The following SUPT3H variants were observed in gnomAD, a reference collection of about 807,000 sequenced individuals.
SUPT3H encodes SPT3 homolog, SAGA and STAGA complex component.
SUPT3H carries 44 observed loss-of-function variants against 44.3 expected under a neutral mutation model. That is an observed-to-expected ratio of 0.99 (90% CI 0.78 to 1.28). SUPT3H has a LOEUF of 1.28. Ranked by LOEUF, SUPT3H falls within the 50% of genes most tolerant of loss-of-function variation. The pLI, the probability that SUPT3H is intolerant of heterozygous loss-of-function variation, is 0.00. For synonymous variants in SUPT3H, 124 were observed against 125.6 expected (o/e 0.99, Z 0.09); for missense variants, 380 against 387.1 (o/e 0.98, Z 0.15).
At chr6:45,298,722 T>C (rs988658613) in intron 2 of SUPT3H, among the ~76,000 whole-genome samples, 1 of 152,120 alleles carries the variant, frequency 6.6e-6, no homozygotes, top group Non-Finnish European at 1.5e-5. Flanking sequence ...AATTGTTACT[T>C]TTCTATTTAC....
intron 2 of SUPT3H, among the ~76,000 whole-genome samples, chr6:45,161,033 T>G (rs1808871981): frequency 6.6e-6 from 1 of 152,036 alleles, no homozygotes; most frequent in African/African-American, 2.4e-5. Flanking sequence ...TCTGGTTGTT[T>G]AAGTGTGTTC....
intron 2 of SUPT3H, among the ~76,000 whole-genome samples, chr6:45,298,921 G>C (rs1194099438): frequency 6.6e-6 from 1 of 152,012 alleles, no homozygotes; most frequent in African/African-American, 2.4e-5. Context: ...ACTCATCAAA[G>C]AATAAAACTA....
chr6:45,343,167 T>C lies in SUPT3H; in HGVS notation c.101+22034A>G, dbSNP rs553829684. ...CTTAAGTCTAAACTCATACTCATAG[T>C]GTGGCTCACAAAACAGCAGAATCAG... is the stretch of plus-strand genomic sequence containing the variant. On this transcript the variant is annotated intron_variant, in intron 2 of 10. Coordinates refer to ENST00000371459, the MANE Select transcript of SUPT3H (RefSeq NM_003599.4). Among the ~76,000 whole-genome samples, 30 of 152,328 alleles carry C rather than the reference T, an allele frequency of 2.0e-4. No homozygotes were observed. In the South Asian group the frequency reaches 6.0e-3, roughly 30 times the overall value.
At chr6:44,809,245 G>GTT, downstream of SUPT3H, 1 of 152,228 alleles carries the variant, frequency 6.6e-6, no homozygotes, top group Non-Finnish European at 1.5e-5. Context: ...AAGGCACTGT[G>GTT]TGATACCCCG....
At chr6:45,256,720 A>ACCAT (rs1773472796) in intron 2 of SUPT3H, among the ~76,000 whole-genome samples, 1 of 152,098 alleles carries the variant, frequency 6.6e-6, no homozygotes, top group South Asian at 2.1e-4. Context: ...TTTTTCATTT[A>ACCAT]CCATAGTGTT....
intron 2 of SUPT3H, among the ~76,000 whole-genome samples, chr6:45,206,815 G>C (rs547876053): frequency 6.6e-6 from 1 of 152,092 alleles, no homozygotes; most frequent in African/African-American, 2.4e-5. Flanking sequence ...GCTGAGATGA[G>C]GGGGAGATGG....
chr6:44,854,111 G>A (rs1363523194), intron 10 of SUPT3H, among the ~76,000 whole-genome samples: 7 of 152,022 alleles, frequency 4.6e-5, no homozygotes, highest in African/African-American at 1.4e-4. Flanking sequence ...ATGACATTCA[G>A]TCATTTAAAC....
Position 45,272,077 on chromosome 6 carries a change from TTTTGA to T in SUPT3H, c.101+93119_101+93123del, listed in dbSNP as rs1776283771. Among the ~76,000 whole-genome samples, 3 of 152,324 alleles carry T rather than the reference TTTTGA, an allele frequency of 2.0e-5. No individual in the cohort carries two copies. In the South Asian group the frequency reaches 6.2e-4, roughly 32 times the overall value. On this transcript the variant is annotated intron_variant, in intron 2 of 10. Coordinates refer to ENST00000371459, the MANE Select transcript of SUPT3H (RefSeq NM_003599.4). ...TGTATCTAGGAAGTAACAAACTTGC[TTTTGA>T]TTTGACAGGCTCATAGGCAGAAAGG...
chr6:45,047,723 G>A (rs1434066481), intron 3 of SUPT3H, among the ~76,000 whole-genome samples: 3 of 151,934 alleles, frequency 2.0e-5, no homozygotes, highest in Non-Finnish European at 4.4e-5. Context: ...GTGTGCAAAG[G>A]TTCTCTTTTC....
At chr6:45,032,843 C>T (rs1006066458) in intron 3 of SUPT3H, among the ~76,000 whole-genome samples, 12 of 152,092 alleles carry the variant, frequency 7.9e-5, no homozygotes, top group South Asian at 2.1e-4. Flanking sequence ...TATAAGAAGG[C>T]GGCTTCCTTT....
chr6:45,062,503 T>G (rs1397789571), intron 3 of SUPT3H, among the ~76,000 whole-genome samples: 2 of 152,036 alleles, frequency 1.3e-5, no homozygotes, highest in African/African-American at 4.8e-5. Context: ...GCTCCCAGCG[T>G]GAGCGACGCA....
chr6:45,155,403 T>C (rs1272197890), intron 2 of SUPT3H, among the ~76,000 whole-genome samples: 1 of 152,060 alleles, frequency 6.6e-6, no homozygotes, highest in Non-Finnish European at 1.5e-5. Context: ...GAAAGGGAGA[T>C]GAGGGAAGGG....
intron 2 of SUPT3H, among the ~76,000 whole-genome samples, chr6:45,197,298 T>C (rs1816218670): frequency 6.6e-6 from 1 of 151,626 alleles, no homozygotes; most frequent in South Asian, 2.1e-4. Flanking sequence ...ATGAAATTTT[T>C]AAAATAAATG....
At chr6:45,053,322 AAAC>A (rs572862464) in intron 3 of SUPT3H, among the ~76,000 whole-genome samples, 199 of 152,184 alleles carry the variant, frequency 1.3e-3, no homozygotes, top group African/African-American at 4.6e-3. Flanking sequence ...GCATTGTCGA[AAAC>A]AACAGCAATT....
intron 2 of SUPT3H, among the ~76,000 whole-genome samples, chr6:45,159,716 G>C (rs2153600537): frequency 6.6e-6 from 1 of 152,304 alleles, no homozygotes. Flanking sequence ...ACTACAACAA[G>C]ATCCACGTTT....
At chr6:44,915,439 A>G (rs555046340) in intron 10 of SUPT3H, among the ~76,000 whole-genome samples, 60 of 152,288 alleles carry the variant, frequency 3.9e-4, no homozygotes, top group Middle Eastern at 3.4e-3. Flanking sequence ...CCATAAACCA[A>G]AAGTAAAGTT....
chr6:45,148,550 C>T (rs893608003), intron 2 of SUPT3H, among the ~76,000 whole-genome samples: 6 of 152,122 alleles, frequency 3.9e-5, no homozygotes, highest in East Asian at 1.9e-4. Context: ...CAAAAGCACA[C>T]GCTCAGACAT....
intron 3 of SUPT3H, among the ~76,000 whole-genome samples, chr6:45,030,539 C>G (rs554424221): frequency 1.2e-4 from 18 of 152,176 alleles, no homozygotes; most frequent in African/African-American, 4.3e-4. Context: ...ACAAGATAGC[C>G]TGATTTCATT....
intron 3 of SUPT3H, among the ~76,000 whole-genome samples, chr6:45,063,705 A>G (rs1792652792): frequency 1.5e-5 from 1 of 66,410 alleles, no homozygotes. Context: ...AAGAAAGGGT[A>G]TCAGCAATGG....
Sources: allele counts gnomAD v4.1 joint callset (sites outside exome capture counted in the v4.1 genomes callset), GRCh38; gene constraint gnomAD v4.1.1; transcripts MANE v1.5; gene names NCBI Gene and HGNC (gene_info 2026-07-23, HGNC 2026-07-21).